The following MAP3K13 variants were observed in gnomAD, a reference collection of about 807,000 sequenced individuals.
MAP3K13 encodes the protein mitogen-activated protein kinase kinase kinase 13, also known as leucine zipper-bearing kinase.
Under a neutral mutation model 104.0 loss-of-function variants are expected in MAP3K13, and 52 were observed. The ratio of observed to expected loss-of-function variants is 0.50; its 90% CI spans 0.40 to 0.63. The LOEUF is 0.63. MAP3K13 is among the 20% of genes least tolerant of loss of function. The pLI, the probability that MAP3K13 is intolerant of heterozygous loss-of-function variation, is 0.00. For missense variants in MAP3K13, 914 were observed against 1,218.5 expected, an observed-to-expected ratio of 0.75 and a Z score of 3.72; for synonymous variants, 394 against 442.2, an observed-to-expected ratio of 0.89 and a Z score of 1.37.
At chr3:185,420,287 A>G (rs1006669131) in intron 1 of MAP3K13, among the ~76,000 whole-genome samples, 1 of 152,220 alleles carries the variant, frequency 6.6e-6, no homozygotes, top group African/African-American at 2.4e-5. Flanking sequence ...ATTGTAGGCC[A>G]TTCTTTTTAC....
intron 1 of MAP3K13, among the ~76,000 whole-genome samples, chr3:185,390,182 G>T (rs984830552): frequency 6.6e-6 from 1 of 152,206 alleles, no homozygotes; most frequent in African/African-American, 2.4e-5. Flanking sequence ...GCACCATTGC[G>T]TAGGGTGTGA....
rs370862208 is a variant in MAP3K13 at position 185,455,595 on chromosome 3, GAT to G, written c.1278+4209_1278+4210del. ...TATGACATATATATGATATATATGA[GAT>G]ATATATATCATATATATGAGATATA... is the stretch of plus-strand genomic sequence containing the variant. On this transcript the variant is annotated intron_variant, in intron 7 of 13. Transcript: ENST00000265026. Among the ~76,000 whole-genome samples the G allele has an allele frequency of 1.5e-3, 14 of 9,210 alleles. 2 individuals are homozygous for G. Among genetic ancestry groups the G allele is most frequent in the African/African-American group, 2.2e-3 (12 of 5,482 alleles). The allele number at this position is 9,210 out of a possible 152,430, so 6.0% of individuals were successfully genotyped here. A position where few individuals can be genotyped will look rare whatever the true frequency, so the allele number is the denominator to read the frequency against.
At position 185,484,070 on chromosome 3, in the gene MAP3K13, CT is replaced by C. The variant is rs1718611092; in HGVS notation, c.*1616del. The C allele has an allele frequency of 6.6e-6, 1 of 152,176 alleles. No individual in the cohort carries two copies. The highest frequency in any genetic ancestry group is 1.5e-5 in the Non-Finnish European group (1 of 68,042). 9.4% of individuals were successfully genotyped at this position (152,176 alleles called of 1,614,324 possible). A position where few individuals can be genotyped will look rare whatever the true frequency, so the allele number is the denominator to read the frequency against. On this transcript the variant is annotated 3_prime_UTR_variant, in exon 14 of 14. Transcript: ENST00000265026. Reference sequence around the variant, plus strand: ...TCAGAATAAAAGCAAAAACAAGCAGCTTGCAAAAGGCAACTCCTCTCCCAGC... The same window carrying C: ...TCAGAATAAAAGCAAAAACAAGCAGCTGCAAAAGGCAACTCCTCTCCCAGC...
At position 185,465,808 on chromosome 3, in the gene MAP3K13, A is replaced by G. The variant is rs1378763577; in HGVS notation, c.1450A>G (p.Met484Val). The change falls in exon 9 of 14, where the codon ATG becomes GTG. Residue 484 changes from methionine (M) to valine (V), a missense_variant. By Grantham distance (21) the Met-to-Val change is conservative. Around this residue, in one of 3 missense-constraint regions of MAP3K13, gnomAD observed 583 missense variants for 737.4 expected, o/e 0.79. Coordinates refer to ENST00000265026, the MANE Select transcript of MAP3K13 (RefSeq NM_004721.5). Reference sequence around the variant, plus strand: ...GCTTGAGCGGGCGAATAATTTATACATGGAATTGAGTGCCATCATGCTGCA... The same window carrying G: ...GCTTGAGCGGGCGAATAATTTATACGTGGAATTGAGTGCCATCATGCTGCA... The part of the protein sequence containing the change: ...RKLERANNLY[M>V]ELSAIMLQLE... 5 of 1,614,018 alleles carry G rather than the reference A, an allele frequency of 3.1e-6. No individual in the cohort carries two copies. In the African/African-American group the frequency reaches 6.7e-5, roughly 22 times the overall value.
intron 2 of MAP3K13, among the ~76,000 whole-genome samples, chr3:185,337,346 T>G (rs1722543072): frequency 6.6e-6 from 1 of 152,244 alleles, no homozygotes; most frequent in African/African-American, 2.4e-5. Context: ...ACAGGATGTT[T>G]CACAGACACT....
intron 1 of MAP3K13, among the ~76,000 whole-genome samples, chr3:185,364,360 A>G (rs1309211970): frequency 1.3e-5 from 2 of 152,182 alleles, no homozygotes; most frequent in Admixed American, 6.5e-5. Flanking sequence ...CAGCTCCTCA[A>G]CCCGAATAAT....
chr3:185,438,539 T>A (rs181893501), intron 3 of MAP3K13, among the ~76,000 whole-genome samples: 1 of 152,326 alleles, frequency 6.6e-6, no homozygotes, highest in Non-Finnish European at 1.5e-5. Context: ...GAGTTATTGA[T>A]AGTAAGTCAT....
chr3:185,419,641 A>G (rs1714007411), intron 1 of MAP3K13, among the ~76,000 whole-genome samples: 1 of 152,242 alleles, frequency 6.6e-6, no homozygotes, highest in African/African-American at 2.4e-5. Context: ...AAAGGTACAT[A>G]TATGTCTGTA....
chr3:185,369,661 T>G (rs1431429976), intron 1 of MAP3K13, among the ~76,000 whole-genome samples: 1 of 152,228 alleles, frequency 6.6e-6, no homozygotes, highest in Non-Finnish European at 1.5e-5. Context: ...GAACCACTGA[T>G]GTAGGCAATA....
At chr3:185,472,863 T>A in intron 10 of MAP3K13, 112 bp from the exon 11 acceptor site, 4 of 982,614 alleles carry the variant, frequency 4.1e-6, no homozygotes, top group Non-Finnish European at 6.2e-6. Context: ...ATTGGATAAA[T>A]CCTGATGACT....
At chr3:185,440,848 A>C (rs934215579) in intron 3 of MAP3K13, among the ~76,000 whole-genome samples, 1 of 152,202 alleles carries the variant, frequency 6.6e-6, no homozygotes, top group Non-Finnish European at 1.5e-5. Context: ...CTTCTCTAGA[A>C]AGTTTCAAAG....
chr3:185,411,723 A>C (rs558368467), intron 1 of MAP3K13, among the ~76,000 whole-genome samples: 2 of 151,910 alleles, frequency 1.3e-5, no homozygotes, highest in South Asian at 4.2e-4. Flanking sequence ...GCACTTAATG[A>C]AACCATGTGC....
At chr3:185,382,760 T>G (rs1724790671) in intron 1 of MAP3K13, among the ~76,000 whole-genome samples, 1 of 152,122 alleles carries the variant, frequency 6.6e-6, no homozygotes, top group Non-Finnish European at 1.5e-5. Flanking sequence ...ATCCCAGCAC[T>G]TTGGGTAGGC....
intron 2 of MAP3K13, among the ~76,000 whole-genome samples, chr3:185,327,324 C>A (rs562624418): frequency 3.1e-4 from 47 of 152,288 alleles, no homozygotes; most frequent in African/African-American, 1.1e-3. Flanking sequence ...ATTTCAAAGT[C>A]CTTAAACGTT....
At chr3:185,294,241 T>G (rs892731248) in intron 2 of MAP3K13, among the ~76,000 whole-genome samples, 3 of 152,228 alleles carry the variant, frequency 2.0e-5, no homozygotes, top group African/African-American at 7.2e-5. Flanking sequence ...GTTCAACTGT[T>G]ACTCCTAAAA....
At chr3:185,409,157 C>T (rs758181500) in intron 1 of MAP3K13, among the ~76,000 whole-genome samples, 1 of 152,122 alleles carries the variant, frequency 6.6e-6, no homozygotes, top group Non-Finnish European at 1.5e-5. Context: ...CACTTGAGGT[C>T]AGGAGTTCAA....
rs116570280 is a variant in MAP3K13, at chr3:185,341,724, T to G, written c.-86+56081T>G. On this transcript the variant is annotated intron_variant, in intron 2 of 14. Coordinates refer to the MAP3K13 transcript ENST00000424227. ...AAAGAAGGAGCAAGAGGCTTCAAGT[T>G]TCCAGCCTTGGAGACCAGGTCAGAG... is the stretch of plus-strand genomic sequence containing the variant. 4.6e-3 allele frequency among the ~76,000 whole-genome samples: 704 copies of G among 152,314 alleles called. 7 individuals carry two copies. Among genetic ancestry groups the G allele is most frequent in the African/African-American group, 0.016 (669 of 41,560 alleles).
chr3:185,466,677 G>A (rs1398595785), intron 9 of MAP3K13, 149 bp from the exon 10 acceptor site: 1 of 944,294 alleles, frequency 1.1e-6, no homozygotes, highest in Non-Finnish European at 1.6e-6. Flanking sequence ...GAGCCCGGCT[G>A]TTTGTTTGTT....
At chr3:185,361,556 A>G (rs1723627274), upstream of MAP3K13, among the ~76,000 whole-genome samples, 1 of 151,448 alleles carries the variant, frequency 6.6e-6, no homozygotes, top group African/African-American at 2.4e-5. Flanking sequence ...GCCCACCATC[A>G]CGCCCGGCTA....
Sources: gnomAD v4.1 joint callset for allele counts (sites outside exome capture counted in the v4.1 genomes callset) on GRCh38, gnomAD v4.1.1 for gene constraint, gnomAD v4.1.1 regional missense constraint, MANE v1.5 for transcripts, NCBI Gene and HGNC (gene_info 2026-07-23, HGNC 2026-07-21) for gene names.